ARMC2: variants seen among roughly 807,000 people sequenced by gnomAD.
ARMC2 encodes armadillo repeat containing 2.
In ARMC2, 67 loss-of-function variants were observed where a neutral mutation model predicts 90.3. That is an observed-to-expected ratio of 0.74 (90% CI 0.61 to 0.91). The LOEUF (loss-of-function observed/expected upper bound fraction) is 0.91. ARMC2 is among the 40% of genes least tolerant of loss of function. The pLI is 0.00. For synonymous variants in ARMC2, 393 were observed against 393.0 expected, an observed-to-expected ratio of 1.00 and a Z score of 0.00; for missense variants, 920 against 1,030.9, an observed-to-expected ratio of 0.89 and a Z score of 1.47.
intron 14 of ARMC2, 50 bp downstream of exon 14, chr6:108,961,744 G>C: frequency 1.3e-6 from 2 of 1,526,504 alleles, no homozygotes; most frequent in Non-Finnish European, 1.8e-6. Flanking sequence ...TTGAAGTTTC[G>C]ATTTTATTAA....
chr6:108,994,350 C>T, the ARMC2 span: 5 of 800,122 alleles, frequency 6.2e-6, no homozygotes, highest in Non-Finnish European at 7.5e-6. Flanking sequence ...ATGCAATAGT[C>T]TCTCTAAAAG....
intron 12 of ARMC2, among the ~76,000 whole-genome samples, chr6:108,937,327 A>G (rs1776036288): frequency 6.6e-6 from 1 of 152,108 alleles, no homozygotes; most frequent in South Asian, 2.1e-4. Context: ...ACCCCACCCC[A>G]AGGGTTATTT....
At chr6:109,038,596 G>C in the ARMC2 span, among the ~76,000 whole-genome samples, 1 of 152,222 alleles carries the variant, frequency 6.6e-6, no homozygotes, top group African/African-American at 2.4e-5. Context: ...CAAGACCAAA[G>C]GGAATACAAC....
the ARMC2 span, chr6:108,999,016 T>C: frequency 3.7e-6 from 1 of 272,274 alleles, no homozygotes; most frequent in Non-Finnish European, 6.9e-6. Context: ...GAGAATGCAT[T>C]TTGCTTAAAA....
At chr6:108,850,126 A>G (rs1773855839) in intron 1 of ARMC2, among the ~76,000 whole-genome samples, 2 of 152,224 alleles carry the variant, frequency 1.3e-5, no homozygotes, top group Non-Finnish European at 2.9e-5. Context: ...ATAAACTTCT[A>G]TAAATTATGA....
chr6:108,994,725 CAG>C, the ARMC2 span: 5 of 788,212 alleles, frequency 6.3e-6, no homozygotes, highest in East Asian at 3.9e-5. Flanking sequence ...TTTTTTGAGA[CAG>C]AGTCTTGCTC....
At chr6:108,936,004 T>G (rs1775928304) in intron 11 of ARMC2, among the ~76,000 whole-genome samples, 1 of 152,202 alleles carries the variant, frequency 6.6e-6, no homozygotes. Flanking sequence ...ATATTAATGA[T>G]GTTTTACCTA....
chr6:108,980,072 T>G, the ARMC2 span, among the ~76,000 whole-genome samples: 2 of 151,992 alleles, frequency 1.3e-5, no homozygotes, highest in Non-Finnish European at 2.9e-5. Context: ...AGAAGAGGCA[T>G]TCTTGTTTTT....
intron 4 of ARMC2, 94 bp downstream of exon 4, chr6:108,869,089 G>T: frequency 7.5e-7 from 1 of 1,330,260 alleles, no homozygotes; most frequent in Non-Finnish European, 1.0e-6. Flanking sequence ...TCCTAACCCT[G>T]GATGATTTTT....
chr6:108,973,671 TTTC>T lies in ARMC2; in HGVS notation c.*163_*165del. ...CTGAAGTATTTTTTAAAATTAAGCA[TTTC>T]TTCTTGTTAGGTATTATGGAAAAAT... On this transcript the variant is annotated 3_prime_UTR_variant, in exon 18 of 18. Coordinates refer to ENST00000392644, the MANE Select transcript of ARMC2 (RefSeq NM_032131.6). 1 of 650,020 alleles carries T rather than the reference TTTC, an allele frequency of 1.5e-6. No homozygotes were observed. Among genetic ancestry groups the T allele is most frequent in the South Asian group, 3.5e-5 (1 of 28,772 alleles). The allele number at this position is 650,020 out of a possible 1,614,324, so 40.3% of individuals were successfully genotyped here.
intron 13 of ARMC2, among the ~76,000 whole-genome samples, chr6:108,960,821 G>A (rs1433278350): frequency 6.6e-6 from 1 of 152,158 alleles, no homozygotes; most frequent in African/African-American, 2.4e-5. Context: ...TCAGGCAGGG[G>A]CATGCTGGCA....
chr6:108,998,962 T>C, the ARMC2 span: 7 of 411,890 alleles, frequency 1.7e-5, no homozygotes, highest in Non-Finnish European at 8.4e-6. Context: ...TGTTAAGACA[T>C]TCACTATTAT....
At chr6:108,979,506 C>T in the ARMC2 span, among the ~76,000 whole-genome samples, 15,232 of 151,794 alleles carry the variant, frequency 0.1, 911 homozygotes, top group Middle Eastern at 0.19. Context: ...CTTTGTGGTG[C>T]TCTCTGTATT....
At chr6:108,852,272 A>G (rs1373987549) in intron 1 of ARMC2, among the ~76,000 whole-genome samples, 9 of 152,300 alleles carry the variant, frequency 5.9e-5, no homozygotes, top group South Asian at 2.1e-4. Context: ...TATTTCCATG[A>G]TTGATTTAGT....
At chr6:108,954,854 C>T (rs938017542) in intron 13 of ARMC2, among the ~76,000 whole-genome samples, 18 of 152,184 alleles carry the variant, frequency 1.2e-4, no homozygotes, top group African/African-American at 4.3e-4. Context: ...TAACAAAATC[C>T]CGTAAACTGG....
the ARMC2 span, chr6:109,008,964 G>A: frequency 3.8e-5 from 38 of 1,000,974 alleles, no homozygotes; most frequent in Non-Finnish European, 4.3e-5. Flanking sequence ...AGACAATCGA[G>A]GGGGCATATC....
At chr6:108,912,796 C>A (rs1165744532) in intron 10 of ARMC2, among the ~76,000 whole-genome samples, 1 of 152,204 alleles carries the variant, frequency 6.6e-6, no homozygotes, top group Non-Finnish European at 1.5e-5. Context: ...TTTCACTGCC[C>A]TGCAGAGAAA....
chr6:108,934,509 C>T (rs1775809433), intron 11 of ARMC2, among the ~76,000 whole-genome samples: 1 of 152,132 alleles, frequency 6.6e-6, no homozygotes, highest in Admixed American at 6.5e-5. Context: ...ATACCAGCCT[C>T]ATAAAATGGG....
intron 3 of ARMC2, among the ~76,000 whole-genome samples, chr6:108,863,294 G>C (rs2128423356): frequency 6.6e-6 from 1 of 152,218 alleles, no homozygotes; most frequent in South Asian, 2.1e-4. Flanking sequence ...TGTTGGCCAG[G>C]CTGGTCTCAA....
Sources: gnomAD v4.1 joint callset for allele counts (sites outside exome capture counted in the v4.1 genomes callset) on GRCh38, gnomAD v4.1.1 for gene constraint, MANE v1.5 for transcripts, NCBI Gene and HGNC (gene_info 2026-07-23, HGNC 2026-07-21) for gene names.